SCN10A: variants seen among roughly 807,000 people sequenced by gnomAD.
The protein encoded by SCN10A is sodium voltage-gated channel alpha subunit 10, also known as sodium channel protein type 10 subunit alpha.
A neutral mutation model predicts 170.7 loss-of-function variants in SCN10A; 162 were observed. The observed-to-expected ratio is 0.95, with a 90% CI of 0.84 to 1.08. The LOEUF (loss-of-function observed/expected upper bound fraction) is 1.08, where lower values mean the gene tolerates loss of function less well. Among genes scored for constraint, SCN10A ranks in the 50% least tolerant of loss-of-function variants. The pLI, the probability that SCN10A is intolerant of heterozygous loss-of-function variation, is 0.00. For missense variants in SCN10A, 2,527 were observed against 2,436.9 expected, an observed-to-expected ratio of 1.04 and a Z score of -0.78; for synonymous variants, 985 against 904.6, an observed-to-expected ratio of 1.09 and a Z score of -1.59.
At chr3:38,744,921 A>C (rs1205499126) in intron 13 of SCN10A, among the ~76,000 whole-genome samples, 1 of 152,206 alleles carries the variant, frequency 6.6e-6, no homozygotes, top group Non-Finnish European at 1.5e-5. Context: ...ACTGGATTTT[A>C]GAAACTACAG....
intron 14 of SCN10A, 56 bp downstream of exon 14, chr3:38,742,235 C>A: frequency 4.0e-6 from 5 of 1,235,856 alleles, no homozygotes; most frequent in Non-Finnish European, 3.5e-6. Flanking sequence ...ACCCTGCCAT[C>A]ATCCCCACCC....
intron 4 of SCN10A, 73 bp downstream of exon 4, chr3:38,788,883 A>G: frequency 1.1e-6 from 1 of 921,048 alleles, no homozygotes; most frequent in Non-Finnish European, 1.8e-6. Context: ...TAAATAAAAG[A>G]CAAAGACTGC....
In SCN10A at chr3:38,718,841, G is replaced by T. The variant is rs753803834; in HGVS notation, c.3508-15C>A. On this transcript the variant is annotated splice_polypyrimidine_tract_variant and intron_variant, in intron 20 of 27. Coordinates refer to ENST00000449082, the MANE Select transcript of SCN10A (RefSeq NM_006514.4). Reference sequence around the variant, plus strand: ...TCTTCAAAGGCCTGGAAGGAAGAAAGGATGCAGAATGGCAGGCTGCCTGGA... The same window carrying T: ...TCTTCAAAGGCCTGGAAGGAAGAAATGATGCAGAATGGCAGGCTGCCTGGA... 2.5e-6 allele frequency: 4 copies of T among 1,612,794 alleles called. No homozygotes were observed. In the African/African-American group the frequency reaches 5.3e-5, roughly 22 times the overall value.
rs183344898 is a variant in SCN10A, at chr3:38,778,198, T to C, written c.471-6791A>G. Among the ~76,000 whole-genome samples the C allele has an allele frequency of 2.6e-5, 4 of 152,184 alleles. No homozygotes were observed. In the East Asian group the frequency reaches 7.7e-4, roughly 29 times the overall value. ...AGATTCAGCTTCATTTCACATGTTC[T>C]TTGCCAGGTGAGAAAACATTTATCT... On this transcript the variant is annotated intron_variant, in intron 4 of 27. Coordinates refer to ENST00000449082, the MANE Select transcript of SCN10A (RefSeq NM_006514.4).
intron 23 of SCN10A, 86 bp downstream of exon 23, chr3:38,712,075 C>T: frequency 7.3e-7 from 1 of 1,366,338 alleles, no homozygotes; most frequent in East Asian, 2.3e-5. Flanking sequence ...TGCAAAGTCC[C>T]CACATAGCAT....
intron 25 of SCN10A, among the ~76,000 whole-genome samples, chr3:38,707,748 G>A (rs956346085): frequency 2.6e-5 from 4 of 152,206 alleles, no homozygotes; most frequent in African/African-American, 7.2e-5. Context: ...GGCTTCTAGA[G>A]TCACAGTCCC....
At chr3:38,713,658 G>A (rs956544725) in intron 22 of SCN10A, among the ~76,000 whole-genome samples, 3 of 152,096 alleles carry the variant, frequency 2.0e-5, no homozygotes, top group African/African-American at 7.2e-5. Context: ...GGGCATAAAG[G>A]GGGAAGGGTT....
At chr3:38,764,414 A>G (rs933882974) in intron 5 of SCN10A, among the ~76,000 whole-genome samples, 3 of 152,048 alleles carry the variant, frequency 2.0e-5, no homozygotes, top group African/African-American at 7.2e-5. Context: ...TGTCATTGTT[A>G]TGCCTTTGCA....
At chr3:38,739,888 C>A (rs1355305419) in intron 14 of SCN10A, among the ~76,000 whole-genome samples, 200 bp from the exon 15 acceptor site, 1 of 152,208 alleles carries the variant, frequency 6.6e-6, no homozygotes, top group African/African-American at 2.4e-5. Context: ...GCACCATTCT[C>A]AGGGGCTGTG....
rs780861535 is a variant in SCN10A, at chr3:38,726,644, C to T, written c.3049G>A (p.Ala1017Thr). 2.5e-6 allele frequency: 4 copies of T among 1,601,166 alleles called. No homozygotes were observed. Among genetic ancestry groups the T allele is most frequent in the Non-Finnish European group, 3.4e-6 (4 of 1,169,918 alleles). ...DDLEDDGGEDAQSFQQEVIPK... is the reference protein window; with the variant it reads ...DDLEDDGGEDTQSFQQEVIPK... ...ATCACTTCCTGCTGGAAGCTCTGAG[C>T]ATCTTCCCCACCATCATCCTCCAAG... The change falls in exon 17 of 28, where the codon GCT (alanine) becomes ACT (threonine). Residue 1017 changes from alanine (A) to threonine (T), a missense_variant. Physicochemically the swap from Ala to Thr is moderately conservative, Grantham distance 58. Transcript: ENST00000449082.
rs1466610597 is a variant in SCN10A at position 38,752,325 on chromosome 3, G to A, written c.1649C>T (p.Pro550Leu). ...GGGAGQQGPL[P>L]RSPLPQPSNP... ...GCTGGGTTGAGGAAGAGGGCTTCTA[G>A]GGAGGGGGCCTTGCTGGCCAGCACC... The change falls in exon 12 of 28, where the codon CCT (proline) becomes CTT (leucine). Residue 550 changes from proline (P) to leucine (L), a missense_variant. Coordinates refer to ENST00000449082, the MANE Select transcript of SCN10A (RefSeq NM_006514.4). 2.5e-5 allele frequency: 41 copies of A among 1,612,502 alleles called. No homozygotes were observed. In the East Asian group the frequency reaches 6.5e-4, roughly 25 times the overall value.
At chr3:38,754,032 G>A (rs1342455065) in intron 11 of SCN10A, among the ~76,000 whole-genome samples, 1 of 152,162 alleles carries the variant, frequency 6.6e-6, no homozygotes, top group East Asian at 1.9e-4. Context: ...AAGAGGGAGA[G>A]GATGCCTTCC....
chr3:38,756,167 C>A (rs2063802463), intron 10 of SCN10A, among the ~76,000 whole-genome samples: 1 of 152,150 alleles, frequency 6.6e-6, no homozygotes, highest in Non-Finnish European at 1.5e-5. Context: ...TGGTGCCCCA[C>A]CCAGATCCCT....
intron 1 of SCN10A, among the ~76,000 whole-genome samples, chr3:38,799,477 A>C (rs1308504643): frequency 3.9e-5 from 6 of 152,200 alleles, no homozygotes; most frequent in Non-Finnish European, 7.4e-5. Context: ...TATAGAAGAC[A>C]CTAACATGTT....
rs527814504 is a variant in SCN10A, at chr3:38,772,715, C to T, written c.471-1308G>A. ...AAAACAACAACAACAACAGCAACAA[C>T]AACAACAACAAAAACAAAAACAAAA... On this transcript the variant is annotated intron_variant, in intron 4 of 27. Transcript: ENST00000449082. 4.3e-4 allele frequency among the ~76,000 whole-genome samples: 33 copies of T among 76,444 alleles called. No individual in the cohort carries two copies. The South Asian group carries it at 0.013, about 31-fold the overall frequency. The allele number at this position is 76,444 out of a possible 152,430, so 50.2% of individuals were successfully genotyped here.
intron 4 of SCN10A, among the ~76,000 whole-genome samples, chr3:38,785,030 T>A (rs545286195): frequency 8.9e-4 from 135 of 151,958 alleles, no homozygotes; most frequent in Middle Eastern, 3.4e-3. Context: ...ATAGGAAAAA[T>A]CAATATTGTG....
intron 18 of SCN10A, among the ~76,000 whole-genome samples, chr3:38,724,392 G>A (rs2063430315): frequency 1.3e-5 from 2 of 152,082 alleles, no homozygotes; most frequent in African/African-American, 4.8e-5. Context: ...TGAATTGAAG[G>A]CAGTGTTATT....
chr3:38,812,359 A>G (rs1430246322), intron 1 of SCN10A, among the ~76,000 whole-genome samples: 3 of 152,200 alleles, frequency 2.0e-5, no homozygotes, highest in Non-Finnish European at 4.4e-5. Context: ...TTGGAGACCT[A>G]AGGCAATGTT....
At chr3:38,709,361 A>T in intron 25 of SCN10A, 117 bp downstream of exon 25, 2 of 1,055,426 alleles carry the variant, frequency 1.9e-6, no homozygotes, top group Non-Finnish European at 2.7e-6. Flanking sequence ...CACTGATATT[A>T]AAGTGATGGG....
Sources: allele counts gnomAD v4.1 joint callset (sites outside exome capture counted in the v4.1 genomes callset), GRCh38; gene constraint gnomAD v4.1.1; transcripts MANE v1.5; gene names NCBI Gene and HGNC (gene_info 2026-07-23, HGNC 2026-07-21).